Variants in SGCD observed in about 807,000 individuals in gnomAD.
SGCD encodes the protein sarcoglycan delta, also known as delta-sarcoglycan.
SGCD carries 18 observed loss-of-function variants against 36.6 expected under a neutral mutation model. The observed-to-expected ratio is 0.49, with a 90% CI of 0.34 to 0.73. The LOEUF (loss-of-function observed/expected upper bound fraction) is 0.73. Among genes scored for constraint, SGCD ranks in the 30% least tolerant of loss-of-function variants. The pLI is 0.01. For synonymous variants in SGCD, 133 were observed against 130.6 expected (o/e 1.02, Z -0.12); for missense variants, 387 against 346.7 (o/e 1.12, Z -0.92).
intron 1 of SGCD, among the ~76,000 whole-genome samples, chr5:156,071,832 A>G (rs542574313): frequency 1.7e-4 from 26 of 152,168 alleles, no homozygotes; most frequent in Non-Finnish European, 3.4e-4. Flanking sequence ...GGGTGCATAT[A>G]TATTTAGATA....
chr5:155,946,224 G>A (rs921112821), intron 1 of SGCD, among the ~76,000 whole-genome samples: 7 of 152,158 alleles, frequency 4.6e-5, no homozygotes, highest in African/African-American at 1.7e-4. Flanking sequence ...CATAGGCAAT[G>A]TGTTAGGTGT....
At chr5:156,292,460 G>A (rs1766782765) in intron 3 of SGCD, among the ~76,000 whole-genome samples, 1 of 152,056 alleles carries the variant, frequency 6.6e-6, no homozygotes, top group Non-Finnish European at 1.5e-5. Flanking sequence ...TCCTTTGAAA[G>A]CTGAATACTA....
intron 4 of SGCD, among the ~76,000 whole-genome samples, chr5:156,534,497 G>A (rs1758015952): frequency 6.6e-6 from 1 of 152,096 alleles, no homozygotes; most frequent in Non-Finnish European, 1.5e-5. Flanking sequence ...TATGAGTTCT[G>A]TCTGTTTAAC....
intron 4 of SGCD, among the ~76,000 whole-genome samples, chr5:156,577,040 T>TA (rs1283079901): frequency 6.6e-6 from 1 of 152,240 alleles, no homozygotes; most frequent in Non-Finnish European, 1.5e-5. Flanking sequence ...CTAGGGTTTT[T>TA]ATGGTTTTAG....
At chr5:155,913,238 A>AATGCT (rs1227735626) in intron 1 of SGCD, among the ~76,000 whole-genome samples, 1 of 152,144 alleles carries the variant, frequency 6.6e-6, no homozygotes, top group Non-Finnish European at 1.5e-5. Context: ...TTTTGCAAAA[A>AATGCT]ATGCTGGAGA....
At chr5:156,071,128 C>A (rs1362002551) in intron 1 of SGCD, among the ~76,000 whole-genome samples, 1 of 152,122 alleles carries the variant, frequency 6.6e-6, no homozygotes, top group Non-Finnish European at 1.5e-5. Flanking sequence ...GTCTCTATTT[C>A]CTTCAGTTCT....
chr5:156,478,844 G>A (rs963527200), intron 3 of SGCD, among the ~76,000 whole-genome samples: 2 of 152,136 alleles, frequency 1.3e-5, no homozygotes, highest in Non-Finnish European at 2.9e-5. Context: ...GCCTCCCAAA[G>A]TGCTGGGATT....
chr5:155,955,997 G>A (rs1024458772), intron 1 of SGCD, among the ~76,000 whole-genome samples: 4 of 152,044 alleles, frequency 2.6e-5, no homozygotes, highest in Admixed American at 2.0e-4. Context: ...GAAGGAGTCA[G>A]TATTACTTGT....
intron 7 of SGCD, among the ~76,000 whole-genome samples, chr5:156,702,921 T>A (rs1754582681): frequency 6.6e-6 from 1 of 152,174 alleles, no homozygotes; most frequent in Admixed American, 6.5e-5. Flanking sequence ...AATTACTATC[T>A]CCCTCCAGAG....
At position 155,875,561 on chromosome 5, in the gene SGCD, C is replaced by T. The variant is rs147328838; in HGVS notation, c.-282+5137C>T. Reference sequence around the variant, plus strand: ...TTGTGATGTTTCTCTAGGTCTTCATCGGCCTTGCACGAAGCTGTGACAATT... The same window carrying T: ...TTGTGATGTTTCTCTAGGTCTTCATTGGCCTTGCACGAAGCTGTGACAATT... On this transcript the variant is annotated intron_variant, in intron 1 of 9. Coordinates refer to the SGCD transcript ENST00000517913. Among the ~76,000 whole-genome samples the T allele has an allele frequency of 2.8e-3, 426 of 151,974 alleles. 1 individual carries two copies. Among genetic ancestry groups the T allele is most frequent in the African/African-American group, 9.1e-3 (378 of 41,452 alleles).
rs570661512 is a variant in SGCD, at chr5:156,100,085, A to T, written c.-281-17793A>T. 3.9e-5 allele frequency among the ~76,000 whole-genome samples: 6 copies of T among 152,246 alleles called. No individual in the cohort carries two copies. In the South Asian group the frequency reaches 1.0e-3, roughly 26 times the overall value. On this transcript the variant is annotated intron_variant, in intron 1 of 9. Coordinates refer to the SGCD transcript ENST00000517913. ...ATTGAGGCAGAACAGTCTTCAAATGATATAGTGACATACTACTGCAAAGTA... is the reference window on the plus strand; with the variant it reads ...ATTGAGGCAGAACAGTCTTCAAATGTTATAGTGACATACTACTGCAAAGTA...
intron 4 of SGCD, among the ~76,000 whole-genome samples, chr5:156,551,555 G>T (rs1758797545): frequency 6.6e-6 from 1 of 151,862 alleles, no homozygotes; most frequent in Non-Finnish European, 1.5e-5. Flanking sequence ...AACAGTACTT[G>T]GCACATGGTG....
At chr5:155,978,191 T>C (rs936304269) in intron 1 of SGCD, among the ~76,000 whole-genome samples, 2 of 152,060 alleles carry the variant, frequency 1.3e-5, no homozygotes, top group African/African-American at 4.8e-5. Flanking sequence ...GTATTTGGGG[T>C]TCCAATTATG....
intron 3 of SGCD, among the ~76,000 whole-genome samples, chr5:156,392,720 G>T (rs1771643962): frequency 6.6e-6 from 1 of 152,210 alleles, no homozygotes; most frequent in Non-Finnish European, 1.5e-5. Flanking sequence ...GCTCTCAGCA[G>T]GTAGGGTAGC....
At chr5:156,685,713 T>A (rs1032900251) in intron 7 of SGCD, among the ~76,000 whole-genome samples, 1 of 152,240 alleles carries the variant, frequency 6.6e-6, no homozygotes, top group Non-Finnish European at 1.5e-5. Flanking sequence ...TTTACTTTAG[T>A]GTCTTGGCAG....
At chr5:156,550,973 G>A (rs1758770041) in intron 4 of SGCD, among the ~76,000 whole-genome samples, 1 of 152,128 alleles carries the variant, frequency 6.6e-6, no homozygotes, top group Non-Finnish European at 1.5e-5. Flanking sequence ...TAGTGTACAT[G>A]TTTCTTTACC....
the SGCD span, among the ~76,000 whole-genome samples, chr5:155,776,544 G>A: frequency 6.6e-6 from 1 of 152,060 alleles, no homozygotes; most frequent in African/African-American, 2.4e-5. Flanking sequence ...AACCACAGAG[G>A]TGAAGTCCAT....
chr5:155,742,173 G>A, the SGCD span, among the ~76,000 whole-genome samples: 1 of 152,228 alleles, frequency 6.6e-6, no homozygotes, highest in Middle Eastern at 3.4e-3. Flanking sequence ...AGGGTGTTAG[G>A]TGTTTATAAT....
intron 7 of SGCD, among the ~76,000 whole-genome samples, chr5:156,708,312 G>A (rs1754831575): frequency 6.6e-6 from 1 of 151,124 alleles, no homozygotes; most frequent in Non-Finnish European, 1.5e-5. Context: ...GAAAATGCAG[G>A]TAGAATGTCC....
Sources: gnomAD v4.1 joint callset for allele counts (sites outside exome capture counted in the v4.1 genomes callset) on GRCh38, gnomAD v4.1.1 for gene constraint, MANE v1.5 for transcripts, NCBI Gene and HGNC (gene_info 2026-07-23, HGNC 2026-07-21) for gene names.